The following CACNA1B variants were observed in gnomAD, a reference collection of about 807,000 sequenced individuals.
The protein encoded by CACNA1B is voltage-dependent N-type calcium channel subunit alpha-1B.
CACNA1B carries 70 observed loss-of-function variants against 247.2 expected under a neutral mutation model. The observed-to-expected ratio is 0.28, with a 90% CI of 0.23 to 0.35. CACNA1B has a LOEUF of 0.35. Among genes scored for constraint, CACNA1B ranks in the 10% least tolerant of loss-of-function variants. CACNA1B has a pLI of 1.00. For synonymous variants in CACNA1B, 1,231 were observed against 1,294.4 expected (o/e 0.95, Z 1.05); for missense variants, 2,367 against 3,197.4 (o/e 0.74, Z 6.26).
intron 20 of CACNA1B, 52 bp from the exon 21 acceptor site, chr9:138,043,722 G>A (rs966111893): frequency 2.9e-5 from 46 of 1,607,092 alleles, no homozygotes; most frequent in East Asian, 1.1e-4. Context: ...GCCACGCAAC[G>A]TGGGCTTCAT....
chr9:138,004,940 G>A (rs571764249), intron 15 of CACNA1B, among the ~76,000 whole-genome samples: 4 of 152,276 alleles, frequency 2.6e-5, no homozygotes, highest in South Asian at 2.1e-4. Flanking sequence ...GTGAGGTATC[G>A]TCTCACCCAT....
At chr9:138,004,174 A>C (rs975591933) in intron 15 of CACNA1B, among the ~76,000 whole-genome samples, 7 of 152,192 alleles carry the variant, frequency 4.6e-5, no homozygotes, top group African/African-American at 1.7e-4. Flanking sequence ...GAAGCCACTA[A>C]AAGTACCTGT....
chr9:137,947,264 G>A (rs1007989493), intron 6 of CACNA1B, among the ~76,000 whole-genome samples: 1 of 152,170 alleles, frequency 6.6e-6, no homozygotes, highest in African/African-American at 2.4e-5. Context: ...ACCAATCAGA[G>A]GTACTTTCCA....
intron 3 of CACNA1B, chr9:137,892,610 G>A: frequency 2.8e-6 from 1 of 351,788 alleles, no homozygotes; most frequent in South Asian, 2.1e-5. Flanking sequence ...GGTGGGACCA[G>A]GTGAGGAGGA....
intron 6 of CACNA1B, among the ~76,000 whole-genome samples, chr9:137,922,256 T>C (rs1432427363): frequency 1.4e-5 from 2 of 144,332 alleles, no homozygotes; most frequent in Non-Finnish European, 3.0e-5. Flanking sequence ...AGTAAAGCGT[T>C]CGGAGAACAT....
chr9:137,983,380 G>A (rs1179220435), intron 12 of CACNA1B, among the ~76,000 whole-genome samples: 3 of 152,154 alleles, frequency 2.0e-5, no homozygotes, highest in Admixed American at 6.5e-5. Context: ...AGGGAAGGTG[G>A]TAAAGGGTCT....
intron 6 of CACNA1B, among the ~76,000 whole-genome samples, chr9:137,942,923 C>A (rs1957749886): frequency 6.6e-6 from 1 of 152,154 alleles, no homozygotes; most frequent in African/African-American, 2.4e-5. Flanking sequence ...AGAACTTACG[C>A]ATGTAACCAA....
Position 138,123,527 on chromosome 9 carries a change from A to T in CACNA1B, c.*1528A>T, listed in dbSNP as rs9414687. The T allele has an allele frequency of 0.016, 2,477 of 151,714 alleles. 102 individuals are homozygous for T. The highest frequency in any genetic ancestry group is 0.15 in the East Asian group (792 of 5,130). The allele number at this position is 151,714 out of a possible 1,614,324, so 9.4% of individuals were successfully genotyped here. On this transcript the variant is annotated 3_prime_UTR_variant, in exon 47 of 47. Transcript: ENST00000371372. ...GATCTGTGTTGGATTCTTGGCTTCT[A>T]CCCCATGATTCTCCTCAAAGAAATT...
intron 16 of CACNA1B, 72 bp downstream of exon 16, chr9:138,006,956 G>A: frequency 1.3e-6 from 1 of 778,746 alleles, no homozygotes; most frequent in Admixed American, 2.0e-5. Context: ...CCACCACGCG[G>A]ATCCCTCCAG....
chr9:137,886,974 G>T (rs1445863306), intron 3 of CACNA1B, among the ~76,000 whole-genome samples: 1 of 150,726 alleles, frequency 6.6e-6, no homozygotes, highest in Admixed American at 6.6e-5. Context: ...AGGGACATGG[G>T]TGTCCCAGTC....
intron 36 of CACNA1B, among the ~76,000 whole-genome samples, chr9:138,088,959 CAAAAAAAAAAAAAAAAAA>C (rs56112600): frequency 4.7e-4 from 29 of 61,422 alleles, no homozygotes; most frequent in East Asian, 1.6e-3. Flanking sequence ...AACTCCGTCT[CAAAAAAAAAAAAAAAAAA>C]AAAAAAAAAA....
intron 13 of CACNA1B, 23 bp downstream of exon 13, chr9:137,984,273 C>T (rs988254712): frequency 8.6e-6 from 13 of 1,510,566 alleles, no homozygotes; most frequent in African/African-American, 1.4e-5. Flanking sequence ...CGCTCCCAGG[C>T]GAGGGCAGGT....
rs1392826050 is a variant in CACNA1B at position 137,899,414 on chromosome 9, G to A, written c.531-13766G>A. 6.6e-6 allele frequency among the ~76,000 whole-genome samples: 1 copy of A among 152,180 alleles called. No homozygotes were observed. The highest frequency in any genetic ancestry group is 2.4e-5 in the African/African-American group (1 of 41,440). On this transcript the variant is annotated intron_variant, in intron 3 of 46. Transcript: ENST00000371372. This position sits in a 1 kb window ranked among gnomAD's most constrained non-coding sequence, Gnocchi z 5.0. ...GTTTCCTTCTCTTACAAAGAACTGT[G>A]TAGTCTGCCAACTCCTGAGGGTGTC...
intron 15 of CACNA1B, among the ~76,000 whole-genome samples, chr9:138,003,127 T>G (rs1391983762): frequency 1.3e-5 from 2 of 150,686 alleles, no homozygotes; most frequent in Non-Finnish European, 3.0e-5. Context: ...AGATGGGGTC[T>G]TGCGATTGTG....
At chr9:137,961,026 A>G (rs1207595624) in intron 10 of CACNA1B, among the ~76,000 whole-genome samples, 1 of 152,122 alleles carries the variant, frequency 6.6e-6, no homozygotes, top group African/African-American at 2.4e-5. Context: ...GTGTCCGTTC[A>G]TGGCCTTTGC....
At chr9:138,061,721 C>G (rs912524185) in intron 31 of CACNA1B, among the ~76,000 whole-genome samples, 2 of 152,176 alleles carry the variant, frequency 1.3e-5, no homozygotes, top group African/African-American at 4.8e-5. Flanking sequence ...AAAGGCAAAC[C>G]CACACCTGGG....
At chr9:137,982,966 G>T (rs745614337) in intron 12 of CACNA1B, among the ~76,000 whole-genome samples, 8 of 152,172 alleles carry the variant, frequency 5.3e-5, no homozygotes, top group Non-Finnish European at 1.2e-4. Flanking sequence ...TCCATAAATG[G>T]TGCACAGCCA....
intron 12 of CACNA1B, among the ~76,000 whole-genome samples, chr9:137,981,401 A>G (rs1333312218): frequency 1.3e-5 from 2 of 152,190 alleles, no homozygotes; most frequent in Non-Finnish European, 2.9e-5. Context: ...TACAAGCAGC[A>G]AGAAGACATC....
intron 3 of CACNA1B, among the ~76,000 whole-genome samples, chr9:137,893,565 C>T (rs1454206638): frequency 2.0e-5 from 3 of 151,292 alleles, no homozygotes; most frequent in East Asian, 3.9e-4. Flanking sequence ...GCAGGAGGAT[C>T]GCTTGAACCC....
Sources: allele counts gnomAD v4.1 joint callset (sites outside exome capture counted in the v4.1 genomes callset), GRCh38; gene constraint gnomAD v4.1.1; non-coding constraint Gnocchi (gnomAD v3.1); transcripts MANE v1.5; gene names NCBI Gene and HGNC (gene_info 2026-07-23, HGNC 2026-07-21).